ADAMTS17: variants seen among roughly 807,000 people sequenced by gnomAD.
ADAMTS17 encodes ADAM metallopeptidase with thrombospondin type 1 motif 17.
A neutral mutation model predicts 141.5 loss-of-function variants in ADAMTS17; 113 were observed. The ratio of observed to expected loss-of-function variants is 0.80; its 90% CI spans 0.69 to 0.93. ADAMTS17 has a LOEUF of 0.93. Among genes scored for constraint, ADAMTS17 ranks in the 40% least tolerant of loss-of-function variants. ADAMTS17 has a pLI of 0.00. For synonymous variants in ADAMTS17, 768 were observed against 630.6 expected (o/e 1.22, Z -3.27); for missense variants, 1,659 against 1,517.9 (o/e 1.09, Z -1.54).
chr15:100,152,687 C>T lies in ADAMTS17; in HGVS notation c.1398G>A (p.Pro466=), dbSNP rs149252796. ...QHTVRLPHKL[P]GMHYSANEQC... ...GCTCGTTGGCACTGTAGTGCATGCC[C>T]GGCAGCTTGTGCGGGAGGCGTACTG... is the stretch of plus-strand genomic sequence containing the variant. The change falls in exon 10 of 22, where the codon CCG becomes CCA. Residue 466 remains proline, a synonymous_variant. Transcript: ENST00000268070. The T allele has an allele frequency of 2.2e-4, 354 of 1,614,156 alleles. No individual in the cohort carries two copies. The highest frequency in any genetic ancestry group is 2.0e-3 in the Middle Eastern group (12 of 6,062).
At chr15:100,334,485 A>T (rs1321555871) in intron 2 of ADAMTS17, among the ~76,000 whole-genome samples, 1 of 152,026 alleles carries the variant, frequency 6.6e-6, no homozygotes, top group Non-Finnish European at 1.5e-5. Flanking sequence ...TCCTGTAGGG[A>T]CCAACCAGCT....
chr15:100,173,146 T>C (rs144396874), intron 8 of ADAMTS17, among the ~76,000 whole-genome samples: 7 of 152,336 alleles, frequency 4.6e-5, no homozygotes, highest in Admixed American at 2.0e-4. Context: ...TCTTGCACTA[T>C]TTTAACCCAG....
At chr15:100,067,426 C>T (rs2033618824) in intron 15 of ADAMTS17, among the ~76,000 whole-genome samples, 1 of 152,266 alleles carries the variant, frequency 6.6e-6, no homozygotes. Context: ...CATGACATTT[C>T]TAAGCACGGA....
Position 100,108,983 on chromosome 15 carries a change from C to T in ADAMTS17, c.2016+6G>A, listed in dbSNP as rs370240260. 14 of 1,613,720 alleles carry T rather than the reference C, an allele frequency of 8.7e-6. No homozygotes were observed. The highest frequency in any genetic ancestry group is 1.7e-4 in the Middle Eastern group (1 of 5,934). On this transcript the variant is annotated splice_donor_region_variant and intron_variant, in intron 14 of 21. Transcript: ENST00000268070. ...CCCACCAAGGACCGAAGGAGAAGTA[C>T]GTCACCTGGCACTTGCCGTGCACGC...
chr15:100,181,384 C>A (rs1160070831), intron 8 of ADAMTS17, among the ~76,000 whole-genome samples: 2 of 152,194 alleles, frequency 1.3e-5, no homozygotes, highest in Admixed American at 6.5e-5. Flanking sequence ...CAGAAGGAGT[C>A]TCTTACCATA....
chr15:100,131,893 C>T, intron 12 of ADAMTS17, 114 bp downstream of exon 12: 1 of 1,527,444 alleles, frequency 6.5e-7, no homozygotes, highest in Non-Finnish European at 9.0e-7. Flanking sequence ...TTTCATTTTC[C>T]ATATCTTCTA....
intron 18 of ADAMTS17, among the ~76,000 whole-genome samples, chr15:100,020,652 CA>C (rs1211375430): frequency 6.6e-6 from 1 of 152,210 alleles, no homozygotes. Flanking sequence ...AAGTTAGAAG[CA>C]GTGACCCTGG....
At chr15:100,284,013 G>A (rs1313264621) in intron 3 of ADAMTS17, among the ~76,000 whole-genome samples, 1 of 152,182 alleles carries the variant, frequency 6.6e-6, no homozygotes, top group Non-Finnish European at 1.5e-5. Flanking sequence ...GGCGAGGCAG[G>A]ATAATTGCTT....
intron 15 of ADAMTS17, among the ~76,000 whole-genome samples, chr15:100,077,916 C>G (rs1298262245): frequency 1.3e-5 from 2 of 152,042 alleles, no homozygotes; most frequent in African/African-American, 2.4e-5. Context: ...TTGCAGGATA[C>G]AAGGCCAATA....
intron 10 of ADAMTS17, among the ~76,000 whole-genome samples, chr15:100,137,990 T>C (rs2038424864): frequency 6.6e-6 from 1 of 152,244 alleles, no homozygotes; most frequent in Non-Finnish European, 1.5e-5. Flanking sequence ...TGCTATTTTT[T>C]CTTTGTGGTT....
chr15:100,148,788 GA>G (rs1489012515), intron 10 of ADAMTS17, among the ~76,000 whole-genome samples: 19 of 151,740 alleles, frequency 1.3e-4, no homozygotes, highest in Middle Eastern at 6.8e-3. Flanking sequence ...TCATCTTAAA[GA>G]GGGTAGTCAG....
chr15:100,199,358 G>A lies in ADAMTS17; in HGVS notation c.1141C>T (p.Leu381Phe), dbSNP rs750577518. ...RKCVLAEDNG[L>F]NLAFTIAHEL... ...TGGGCGATGGTAAAGGCCAAATTGA[G>A]ACCATTGTCTTCGGCAAGCACACAC... is the stretch of plus-strand genomic sequence containing the variant. The change falls in exon 8 of 22, where the codon CTC (leucine) becomes TTC (phenylalanine). Residue 381 changes from leucine to phenylalanine, a missense_variant. Transcript: ENST00000268070. 2 of 1,614,186 alleles carry A rather than the reference G, an allele frequency of 1.2e-6. No homozygotes were observed. Among genetic ancestry groups the A allele is most frequent in the Non-Finnish European group, 1.7e-6 (2 of 1,180,024 alleles).
chr15:100,315,958 C>A (rs558719990), intron 3 of ADAMTS17, among the ~76,000 whole-genome samples: 2 of 152,208 alleles, frequency 1.3e-5, no homozygotes, highest in Admixed American at 6.5e-5. Context: ...TTTGGCCAAG[C>A]CTTGAACACT....
chr15:100,226,272 G>C (rs1736121677), intron 7 of ADAMTS17, among the ~76,000 whole-genome samples: 1 of 152,266 alleles, frequency 6.6e-6, no homozygotes, highest in Admixed American at 6.5e-5. Flanking sequence ...GACAGTGGAG[G>C]ATCTGGGTCC....
intron 10 of ADAMTS17, among the ~76,000 whole-genome samples, chr15:100,140,507 ATCCAGTAAAGACGTGTGGAATG>A (rs2038586640): frequency 7.1e-6 from 1 of 139,890 alleles, no homozygotes. Flanking sequence ...ATATATATAT[ATCCAGTAAAGACGTGTGGAATG>A]TATGAATGGG....
At chr15:99,980,274 T>TCG (rs1567636931) in intron 20 of ADAMTS17, 14 of 152,212 alleles carry the variant, frequency 9.2e-5, no homozygotes, top group African/African-American at 2.7e-4. Context: ...TTAGCTGAGA[T>TCG]TGCACCACTG....
chr15:100,067,948 G>A (rs1243522838), intron 15 of ADAMTS17, among the ~76,000 whole-genome samples: 3 of 152,196 alleles, frequency 2.0e-5, no homozygotes, highest in Admixed American at 6.5e-5. Flanking sequence ...CTGAAGCAGG[G>A]CGAGGCATCC....
At chr15:100,217,944 A>C (rs935287006) in intron 7 of ADAMTS17, among the ~76,000 whole-genome samples, 1 of 152,210 alleles carries the variant, frequency 6.6e-6, no homozygotes, top group Non-Finnish European at 1.5e-5. Flanking sequence ...GCAGTGCTAC[A>C]ATCAGTGCTC....
intron 12 of ADAMTS17, among the ~76,000 whole-genome samples, chr15:100,122,578 C>G (rs1015473911): frequency 4.6e-5 from 7 of 152,146 alleles, no homozygotes; most frequent in Non-Finnish European, 8.8e-5. Context: ...CCACATATAA[C>G]TTTTAACACC....
Sources: gnomAD v4.1 joint callset for allele counts (sites outside exome capture counted in the v4.1 genomes callset) on GRCh38, gnomAD v4.1.1 for gene constraint, MANE v1.5 for transcripts, NCBI Gene and HGNC (gene_info 2026-07-23, HGNC 2026-07-21) for gene names.